SI: variants seen among roughly 807,000 people sequenced by gnomAD.
SI encodes the protein sucrase-isomaltase, intestinal.
Under a neutral mutation model 253.3 loss-of-function variants are expected in SI, and 235 were observed. The ratio of observed to expected loss-of-function variants is 0.93; its 90% CI spans 0.83 to 1.03. The LOEUF is 1.03. SI is among the 50% of genes least tolerant of loss of function. The probability of loss-of-function intolerance (pLI) is 0.00; values close to 1 mark genes in which losing one functional copy is unlikely to be tolerated. For missense variants in SI, 2,442 were observed against 2,211.1 expected (o/e 1.10, Z -2.09); for synonymous variants, 819 against 712.0 (o/e 1.15, Z -2.39).
chr3:165,030,785 C>G lies in SI; in HGVS notation c.2819G>C (p.Arg940Thr). The change falls in exon 25 of 48, where the codon AGA becomes ACA. Residue 940 changes from arginine to threonine, a missense_variant. Arg to Thr is a moderately conservative substitution (Grantham distance 71). Transcript: ENST00000264382. ...QWNQIFSENERFNCYPDADLA... is the reference protein window; with the variant it reads ...QWNQIFSENETFNCYPDADLA... ...ATCTGCATCTGGATAACAATTAAAT[C>G]TTTCATTTTCTGAGAAAATTTGATT... 1 of 1,597,414 alleles carries G rather than the reference C, an allele frequency of 6.3e-7. No homozygotes were observed. The highest frequency in any genetic ancestry group is 1.1e-5 in the South Asian group (1 of 90,474).
At chr3:165,054,794 GC>G (rs2094766233) in intron 13 of SI, among the ~76,000 whole-genome samples, 1 of 152,094 alleles carries the variant, frequency 6.6e-6, no homozygotes. Context: ...AAGGGCAGGG[GC>G]TTATTCAGAT....
At chr3:165,027,571 C>T in intron 25 of SI, among the ~76,000 whole-genome samples, 1 of 150,842 alleles carries the variant, frequency 6.6e-6, no homozygotes, top group African/African-American at 2.4e-5. Context: ...CCTGGCTAAC[C>T]AAATTCCAAA....
At chr3:164,988,561 C>T (rs1717552064) in intron 44 of SI, among the ~76,000 whole-genome samples, 1 of 152,156 alleles carries the variant, frequency 6.6e-6, no homozygotes, top group African/African-American at 2.4e-5. Context: ...TGTCTCTCCT[C>T]TTTAACTGAT....
rs1714181552 is a variant in SI at position 165,065,297 on chromosome 3, T to C, written c.771A>G (p.Thr257=). ...GTTGGTCTCGAGTAAAAATTGGCCA[T>C]GTTTTCCAGGATAAATCATGACGAA... ...KRFRHDLSWK[T]WPIFTRDQLP... Residue 257 remains threonine, a synonymous_variant, in exon 7 of 48, where the codon ACA becomes ACG. Transcript: ENST00000264382. 1.9e-6 allele frequency: 3 copies of C among 1,608,466 alleles called. No homozygotes were observed. Among genetic ancestry groups the C allele is most frequent in the Non-Finnish European group, 2.6e-6 (3 of 1,176,378 alleles).
chr3:165,071,702 C>T (rs953858422), intron 3 of SI, among the ~76,000 whole-genome samples: 8 of 151,844 alleles, frequency 5.3e-5, no homozygotes, highest in African/African-American at 1.9e-4. Context: ...GACTGGTGTC[C>T]TTATAAGAAG....
intron 18 of SI, 124 bp downstream of exon 18, chr3:165,040,816 C>T (rs1712778899): frequency 2.7e-6 from 2 of 736,098 alleles, no homozygotes; most frequent in South Asian, 1.6e-5. Flanking sequence ...AAATCATTTA[C>T]ACCAATGTAA....
chr3:165,062,331 G>A, intron 9 of SI, 40 bp downstream of exon 9: 5 of 970,524 alleles, frequency 5.2e-6, no homozygotes, highest in Non-Finnish European at 8.4e-6. Flanking sequence ...TGAAATAAAA[G>A]TATGCAGAAA....
In SI at chr3:165,074,165, A is replaced by G. The variant is rs538319792; in HGVS notation, c.255+366T>C. ...TTTTCCACAGATACTTCTTAATGCT[A>G]TCATTACAAATACTCTACTGGAACA... On this transcript the variant is annotated intron_variant, in intron 3 of 47. Transcript: ENST00000264382. Among the ~76,000 whole-genome samples, 10 of 152,198 alleles carry G rather than the reference A, an allele frequency of 6.6e-5. No individual in the cohort carries two copies. In the South Asian group the frequency reaches 2.1e-3, roughly 32 times the overall value.
At chr3:164,999,448 A>T (rs1251255716) in intron 37 of SI, among the ~76,000 whole-genome samples, 3 of 151,492 alleles carry the variant, frequency 2.0e-5, no homozygotes, top group African/African-American at 4.8e-5. Flanking sequence ...ATAAAGTTTT[A>T]CTCTAATATT....
Position 165,074,003 on chromosome 3 carries a change from T to C in SI, c.255+528A>G, listed in dbSNP as rs181435901. Among the ~76,000 whole-genome samples, 35 of 152,120 alleles carry C rather than the reference T, an allele frequency of 2.3e-4. No individual in the cohort carries two copies. In the East Asian group the frequency reaches 6.6e-3, roughly 29 times the overall value. ...CAATGACTTTTATTCCCACACAGGT[T>C]TGTGGGGAAAAAAAGGAAGAGTGAA... On this transcript the variant is annotated intron_variant, in intron 3 of 47. Transcript: ENST00000264382.
In SI at chr3:165,046,974, A is replaced by G; in HGVS notation, c.1754T>C (p.Ile585Thr). The change falls in exon 16 of 48, where the codon ATT becomes ACT. Residue 585 changes from isoleucine to threonine, a missense_variant. Coordinates refer to ENST00000264382, the MANE Select transcript of SI (RefSeq NM_001041.4). ...TCCAGCAAATGTTGAGCGGGTAAGAATGAAGCTTCTCTTATTAGGAAAAAC... is the reference window on the plus strand; with the variant it reads ...TCCAGCAAATGTTGAGCGGGTAAGAGTGAAGCTTCTCTTATTAGGAAAAAC... Reference protein sequence around the residue: ...QKVFPNKRSFILTRSTFAGSG... With the variant: ...QKVFPNKRSFTLTRSTFAGSG... 1.1e-5 allele frequency: 17 copies of G among 1,611,382 alleles called. No homozygotes were observed. The highest frequency in any genetic ancestry group is 1.3e-5 in the Non-Finnish European group (15 of 1,178,762).
At chr3:165,032,453 C>T (rs1415679589) in intron 24 of SI, 69 bp downstream of exon 24, 2 of 1,057,772 alleles carry the variant, frequency 1.9e-6, no homozygotes, top group African/African-American at 1.6e-5. Flanking sequence ...GGATAAGTGC[C>T]TGAATGGTTA....
chr3:165,021,475 A>T, intron 26 of SI, 92 bp from the exon 27 acceptor site: 4 of 989,024 alleles, frequency 4.0e-6, no homozygotes, highest in Non-Finnish European at 6.3e-6. Flanking sequence ...TCAAACAAGA[A>T]TATTTAGAAT....
intron 17 of SI, among the ~76,000 whole-genome samples, chr3:165,042,666 A>G (rs549534052): frequency 6.6e-6 from 1 of 152,208 alleles, no homozygotes; most frequent in South Asian, 2.1e-4. Context: ...CTAAACACAA[A>G]CTCAAAATCC....
chr3:165,024,976 T>C (rs748495067), intron 25 of SI, among the ~76,000 whole-genome samples: 2 of 151,244 alleles, frequency 1.3e-5, no homozygotes, highest in Non-Finnish European at 3.0e-5. Context: ...TGACAAACAA[T>C]TTGCATAGTT....
intron 18 of SI, 113 bp from the exon 19 acceptor site, chr3:165,040,084 G>T (rs1712739251): frequency 1.2e-6 from 1 of 826,448 alleles, no homozygotes; most frequent in Non-Finnish European, 2.1e-6. Context: ...ATCTTGAATT[G>T]TGCTTGTTTC....
At chr3:165,008,146 T>C (rs1718603956) in intron 35 of SI, 148 bp from the exon 36 acceptor site, 1 of 507,304 alleles carries the variant, frequency 2.0e-6, no homozygotes, top group African/African-American at 1.9e-5. Context: ...TTGTAAAACA[T>C]CTCAATGATA....
rs1718177727 is a variant in SI at position 164,999,776 on chromosome 3, T to C, written c.4407-1103A>G. On this transcript the variant is annotated intron_variant, in intron 37 of 47. Transcript: ENST00000264382. ...CAAGAAAGTTCGGAATTAACAAATG[T>C]CTCAAGTCAAAAGTGCAAGCAACTA... 2.0e-5 allele frequency among the ~76,000 whole-genome samples: 3 copies of C among 151,620 alleles called. No homozygotes were observed. The Admixed American group carries it at 2.0e-4, about 10-fold the overall frequency.
intron 37 of SI, among the ~76,000 whole-genome samples, chr3:165,000,587 T>C (rs1718211327): frequency 6.6e-6 from 1 of 151,448 alleles, no homozygotes. Context: ...AATAAAACTA[T>C]AAAATAAATG....
Sources: gnomAD v4.1 joint callset for allele counts (sites outside exome capture counted in the v4.1 genomes callset) on GRCh38, gnomAD v4.1.1 for gene constraint, MANE v1.5 for transcripts, NCBI Gene and HGNC (gene_info 2026-07-23, HGNC 2026-07-21) for gene names.